The following LRTM3 variants were observed in gnomAD, a reference collection of about 807,000 sequenced individuals.
LRTM3 encodes the protein leucine rich repeat transmembrane protein 3, also known as leucine-rich repeat transmembrane protein 3.
the LRTM3 span, chr13:102,741,836 A>G: frequency 6.5e-7 from 1 of 1,550,202 alleles, no homozygotes; most frequent in African/African-American, 1.4e-5. Context: ...ATCTGTTCTA[A>G]TTCGTGGGGC....
the LRTM3 span, chr13:102,743,574 G>T: frequency 6.5e-7 from 1 of 1,549,800 alleles, no homozygotes; most frequent in Middle Eastern, 1.7e-4. Context: ...GTGTTTATCT[G>T]GTTTTTAGAG....
chr13:102,748,794 TGTTGA>T, the LRTM3 span: 2 of 1,550,590 alleles, frequency 1.3e-6, no homozygotes, highest in Non-Finnish European at 1.7e-6. Context: ...AGTTGAACAG[TGTTGA>T]CCATGAAGGA....
chr13:102,746,107 T>G, the LRTM3 span: 6 of 1,551,046 alleles, frequency 3.9e-6, no homozygotes, highest in Non-Finnish European at 5.2e-6. Context: ...AAGGACCCAT[T>G]TGGAGACTAG....
At chr13:102,741,100 T>C in the LRTM3 span, 3 of 1,550,044 alleles carry the variant, frequency 1.9e-6, no homozygotes, top group East Asian at 7.3e-5. Context: ...GTTGATGCAA[T>C]ATGCAAGGGA....
At chr13:102,742,911 C>A in the LRTM3 span, 1 of 1,550,514 alleles carries the variant, frequency 6.4e-7, no homozygotes, top group Middle Eastern at 1.7e-4. Flanking sequence ...CTCAGTTCTG[C>A]ACAATTATCT....
chr13:102,753,801 G>C, the LRTM3 span, among the ~76,000 whole-genome samples: 2,930 of 152,262 alleles, frequency 0.019, 72 homozygotes, highest in African/African-American at 0.066. Context: ...GGATGATCAT[G>C]ATGTCTACTC....
chr13:102,751,469 A>T, the LRTM3 span, among the ~76,000 whole-genome samples: 801 of 151,946 alleles, frequency 5.3e-3, 14 homozygotes, highest in African/African-American at 0.018. Context: ...CTTTGGTCCC[A>T]TCCCAGCACT....
the LRTM3 span, chr13:102,729,419 G>C: frequency 1.4e-6 from 2 of 1,404,340 alleles, no homozygotes; most frequent in Non-Finnish European, 1.9e-6. Flanking sequence ...GCGACCAGCT[G>C]TCCACTTCAG....
the LRTM3 span, chr13:102,738,761 A>G: frequency 6.4e-7 from 1 of 1,550,586 alleles, no homozygotes; most frequent in Non-Finnish European, 8.7e-7. Context: ...AGAGTAAGGT[A>G]GAAAAGAGAT....
chr13:102,730,266 T>C, the LRTM3 span: 5 of 1,551,462 alleles, frequency 3.2e-6, no homozygotes, highest in African/African-American at 2.7e-5. Context: ...TCAAATAGAA[T>C]GTTTTCTGAT....
the LRTM3 span, chr13:102,737,805 G>A: frequency 1.3e-6 from 2 of 1,550,178 alleles, no homozygotes; most frequent in East Asian, 2.5e-5. Flanking sequence ...AAAATACCAG[G>A]TCTGATTATT....
At chr13:102,743,178 G>A in the LRTM3 span, 17 of 1,550,468 alleles carry the variant, frequency 1.1e-5, no homozygotes, top group Non-Finnish European at 1.3e-5. Context: ...CTATCATGTA[G>A]TTTTGCTCCC....
the LRTM3 span, chr13:102,732,023 G>T: frequency 6.4e-7 from 1 of 1,551,290 alleles, no homozygotes; most frequent in South Asian, 1.2e-5. Context: ...GTTTGCTTCT[G>T]ATTTGACATT....
chr13:102,731,959 A>C, the LRTM3 span: 1 of 1,551,262 alleles, frequency 6.4e-7, no homozygotes, highest in Admixed American at 2.0e-5. Flanking sequence ...GCTCTGGAAC[A>C]ATCCGTTCTT....
At chr13:102,741,602 A>T in the LRTM3 span, 1 of 1,550,478 alleles carries the variant, frequency 6.4e-7, no homozygotes. Context: ...CATAGACCCC[A>T]GGTTTGTCAT....
chr13:102,742,074 G>C, the LRTM3 span: 1 of 1,550,286 alleles, frequency 6.5e-7, no homozygotes, highest in Non-Finnish European at 8.7e-7. Flanking sequence ...CTGTCTTTTG[G>C]CTTGTCTTTC....
the LRTM3 span, chr13:102,744,669 G>A: frequency 1.2e-5 from 19 of 1,550,742 alleles, no homozygotes; most frequent in Non-Finnish European, 1.7e-5. Context: ...TTCATTTGAT[G>A]TGTACTGAAA....
chr13:102,748,605 T>C, the LRTM3 span: 68 of 1,550,732 alleles, frequency 4.4e-5, no homozygotes, highest in African/African-American at 8.4e-4. Context: ...AGTTTCTGCA[T>C]AGGTTTTGAT....
At chr13:102,753,132 T>C in the LRTM3 span, among the ~76,000 whole-genome samples, 1 of 152,178 alleles carries the variant, frequency 6.6e-6, no homozygotes, top group Admixed American at 6.5e-5. Flanking sequence ...CATGGAATAC[T>C]ATGCAGCCAT....
Sources: allele counts gnomAD v4.1 joint callset (sites outside exome capture counted in the v4.1 genomes callset), GRCh38; gene constraint gnomAD v4.1.1; transcripts MANE v1.5; gene names NCBI Gene and HGNC (gene_info 2026-07-23, HGNC 2026-07-21).